TRPM7: variants seen among roughly 807,000 people sequenced by gnomAD.
TRPM7 encodes transient receptor potential cation channel subfamily M member 7.
A neutral mutation model predicts 229.7 loss-of-function variants in TRPM7; 134 were observed. The observed-to-expected ratio is 0.58, with a 90% CI of 0.51 to 0.67. The LOEUF (loss-of-function observed/expected upper bound fraction) is 0.67, where lower values mean the gene tolerates loss of function less well. Among genes scored for constraint, TRPM7 ranks in the 30% least tolerant of loss-of-function variants. TRPM7 has a pLI of 0.00. For synonymous variants in TRPM7, 699 were observed against 715.2 expected (o/e 0.98, Z 0.36); for missense variants, 1,901 against 2,210.0 (o/e 0.86, Z 2.80).
intron 27 of TRPM7, among the ~76,000 whole-genome samples, chr15:50,587,906 A>G (rs1006605304): frequency 1.3e-5 from 2 of 152,180 alleles, no homozygotes; most frequent in Non-Finnish European, 2.9e-5. Context: ...TATAAAACCA[A>G]TTTGGTAGAC....
intron 3 of TRPM7, among the ~76,000 whole-genome samples, chr15:50,649,199 G>T (rs2061349439): frequency 6.6e-6 from 1 of 152,114 alleles, no homozygotes; most frequent in Admixed American, 6.5e-5. Context: ...AACACTGTGG[G>T]AGGCCATGGC....
chr15:50,685,935 A>G (rs1366384162), intron 1 of TRPM7, among the ~76,000 whole-genome samples: 1 of 152,166 alleles, frequency 6.6e-6, no homozygotes, highest in Non-Finnish European at 1.5e-5. Context: ...AATTCTTGCT[A>G]AAGAAAAAAG....
chr15:50,638,162 A>T (rs1204251618), intron 6 of TRPM7, among the ~76,000 whole-genome samples: 1 of 151,554 alleles, frequency 6.6e-6, no homozygotes, highest in Non-Finnish European at 1.5e-5. Flanking sequence ...GATCGAGACC[A>T]TCCTGGCTAA....
rs2060833275 is a variant in TRPM7, at chr15:50,634,576, A to G, written c.833-20T>C. 2 of 1,360,400 alleles carry G rather than the reference A, an allele frequency of 1.5e-6. No individual in the cohort carries two copies. The highest frequency in any genetic ancestry group is 6.0e-5 in the Admixed American group (2 of 33,394). The allele number at this position is 1,360,400 out of a possible 1,614,324, so 84.3% of individuals were successfully genotyped here. Reference sequence around the variant, plus strand: ...CAATCCCTAAAAAGAGCAAAGTTAAATTAAAAAATTATTTCATCCCAAGCA... The same window carrying G: ...CAATCCCTAAAAAGAGCAAAGTTAAGTTAAAAAATTATTTCATCCCAAGCA... On this transcript the variant is annotated intron_variant, in intron 7 of 38. Transcript: ENST00000646667.
chr15:50,564,165 A>G (rs755997546), intron 38 of TRPM7, among the ~76,000 whole-genome samples: 2 of 151,652 alleles, frequency 1.3e-5, no homozygotes, highest in Non-Finnish European at 2.9e-5. Context: ...CCTGCCCAAC[A>G]ATTTTTCTTC....
intron 28 of TRPM7, among the ~76,000 whole-genome samples, chr15:50,585,048 GTA>G (rs1401005650): frequency 4.7e-5 from 4 of 85,790 alleles, no homozygotes; most frequent in Non-Finnish European, 9.5e-5. Flanking sequence ...GCTAATTTTT[GTA>G]TTTTTTTTTT....
intron 1 of TRPM7, among the ~76,000 whole-genome samples, chr15:50,678,714 T>C (rs1157895734): frequency 6.6e-6 from 1 of 152,042 alleles, no homozygotes; most frequent in South Asian, 2.1e-4. Context: ...TCTGTAACAA[T>C]TGGTAGAAAA....
chr15:50,619,435 T>G (rs2060325193), intron 13 of TRPM7, among the ~76,000 whole-genome samples: 1 of 151,216 alleles, frequency 6.6e-6, no homozygotes, highest in African/African-American at 2.4e-5. Flanking sequence ...CTGCCCAGGC[T>G]GGTCTTGAAC....
chr15:50,605,172 G>C (rs1418102439), intron 20 of TRPM7, 28 bp from the exon 21 acceptor site: 2 of 1,535,960 alleles, frequency 1.3e-6, no homozygotes, highest in African/African-American at 2.8e-5. Context: ...ACAAAAAAAA[G>C]TGTAATCAGT....
intron 2 of TRPM7, among the ~76,000 whole-genome samples, chr15:50,662,210 G>A (rs920481680): frequency 5.3e-5 from 8 of 152,030 alleles, no homozygotes; most frequent in Admixed American, 2.0e-4. Context: ...AAATTTAGCC[G>A]GCTGTGGTGG....
chr15:50,635,705 T>G (rs1303187683), intron 7 of TRPM7, among the ~76,000 whole-genome samples: 34 of 125,412 alleles, frequency 2.7e-4, no homozygotes, highest in East Asian at 7.0e-4. Context: ...GACGGCTGGG[T>G]ATGGTGGCTC....
chr15:50,649,437 C>CAAAAAA (rs541168300), intron 3 of TRPM7, among the ~76,000 whole-genome samples: 1 of 92,792 alleles, frequency 1.1e-5, no homozygotes. Context: ...GACCCCAACT[C>CAAAAAA]AAAAAAAAAA....
chr15:50,586,343 T>C (rs1208885629), intron 28 of TRPM7, 49 bp downstream of exon 28: 6 of 1,213,950 alleles, frequency 4.9e-6, no homozygotes, highest in Non-Finnish European at 7.3e-6. Context: ...ACATTTAAAG[T>C]GTAAATGAGT....
rs757695497 is a variant in TRPM7, at chr15:50,592,360, T to A, written c.3875A>T (p.His1292Leu). 6.2e-7 allele frequency: 1 copy of A among 1,614,064 alleles called. No individual in the cohort carries two copies. The highest frequency in any genetic ancestry group is 8.5e-7 in the Non-Finnish European group (1 of 1,180,038). The change falls in exon 26 of 39, where the codon CAT becomes CTT. Residue 1292 changes from histidine to leucine, a missense_variant. Coordinates refer to ENST00000646667, the MANE Select transcript of TRPM7 (RefSeq NM_017672.6). Reference protein sequence around the residue: ...GPVRPSVWKKHGVVNTLSSSL... With the variant: ...GPVRPSVWKKLGVVNTLSSSL... ...GGAGCTAAGTGTATTTACAACACCA[T>A]GCTTTTTCCATACAGAAGGTCTTAC...
intron 3 of TRPM7, among the ~76,000 whole-genome samples, chr15:50,651,919 A>G (rs1004209740): frequency 1.3e-5 from 2 of 151,904 alleles, no homozygotes; most frequent in Non-Finnish European, 2.9e-5. Flanking sequence ...AAATAAAATA[A>G]TAATTTTCTA....
intron 5 of TRPM7, among the ~76,000 whole-genome samples, chr15:50,642,303 C>T (rs1175645014): frequency 6.6e-6 from 1 of 152,166 alleles, no homozygotes; most frequent in Non-Finnish European, 1.5e-5. Flanking sequence ...ACAGTATAAG[C>T]TTTATAGGGT....
intron 1 of TRPM7, among the ~76,000 whole-genome samples, chr15:50,675,343 C>CA (rs902240039): frequency 0.018 from 2,339 of 133,170 alleles, 45 homozygotes; most frequent in African/African-American, 0.055. Flanking sequence ...AATTCCATTT[C>CA]AAAAAAAAAA....
At chr15:50,562,507 T>C (rs1197030280) in intron 38 of TRPM7, among the ~76,000 whole-genome samples, 3 of 152,068 alleles carry the variant, frequency 2.0e-5, no homozygotes, top group Non-Finnish European at 4.4e-5. Flanking sequence ...CAGTGGCTCA[T>C]GCCTGTAATC....
At chr15:50,610,166 A>G (rs930674549) in intron 17 of TRPM7, among the ~76,000 whole-genome samples, 10 of 152,136 alleles carry the variant, frequency 6.6e-5, no homozygotes, top group Non-Finnish European at 1.0e-4. Flanking sequence ...TAACTGTTTT[A>G]AAGAGTAACA....
Sources: allele counts gnomAD v4.1 joint callset (sites outside exome capture counted in the v4.1 genomes callset), GRCh38; gene constraint gnomAD v4.1.1; transcripts MANE v1.5; gene names NCBI Gene and HGNC (gene_info 2026-07-23, HGNC 2026-07-21).